Variants in ELMOD1 observed in about 807,000 individuals in gnomAD.
The protein encoded by ELMOD1 is ELMO domain containing 1, also known as ELMO domain-containing protein 1.
ELMOD1 carries 21 observed loss-of-function variants against 46.7 expected under a neutral mutation model. That is an observed-to-expected ratio of 0.45 (90% confidence interval 0.32 to 0.65). ELMOD1 has a LOEUF of 0.65. Ranked by LOEUF, ELMOD1 falls within the 30% of genes least tolerant of loss-of-function variation. ELMOD1 has a pLI of 0.04. For missense variants in ELMOD1, 348 were observed against 407.8 expected (o/e 0.85, Z 1.26); for synonymous variants, 122 against 138.2 (o/e 0.88, Z 0.82).
At chr11:107,631,355 T>A (rs1350969482) in intron 4 of ELMOD1, among the ~76,000 whole-genome samples, 2 of 150,920 alleles carry the variant, frequency 1.3e-5, no homozygotes, top group Non-Finnish European at 2.9e-5. Flanking sequence ...CCAAAAAAAT[T>A]GTATGTGTTT....
intron 2 of ELMOD1, chr11:107,620,476 C>T (rs562839635): frequency 6.6e-6 from 1 of 152,294 alleles, no homozygotes; most frequent in East Asian, 1.9e-4. Context: ...GATTAGTACA[C>T]CTGGCTAAAA....
chr11:107,650,660 G>A (rs1866510503), intron 8 of ELMOD1, among the ~76,000 whole-genome samples: 1 of 152,176 alleles, frequency 6.6e-6, no homozygotes, highest in African/African-American at 2.4e-5. Flanking sequence ...CAGGAAGACT[G>A]AGGAGGTGGG....
chr11:107,607,493 C>T (rs1865705189), intron 1 of ELMOD1, among the ~76,000 whole-genome samples: 1 of 151,864 alleles, frequency 6.6e-6, no homozygotes, highest in Non-Finnish European at 1.5e-5. Context: ...CCTGTTTCTA[C>T]AAAAAAATAC....
intron 5 of ELMOD1, among the ~76,000 whole-genome samples, chr11:107,634,100 CCA>C (rs1427061066): frequency 7.2e-5 from 11 of 152,112 alleles, no homozygotes; most frequent in African/African-American, 2.4e-4. Context: ...ATGACCACCA[CCA>C]CACCACCTCA....
intron 1 of ELMOD1, among the ~76,000 whole-genome samples, chr11:107,615,766 G>A (rs1250114448): frequency 6.6e-6 from 1 of 151,768 alleles, no homozygotes; most frequent in African/African-American, 2.4e-5. Flanking sequence ...TGTTTTTTAA[G>A]CTTTTCAGAG....
intron 2 of ELMOD1, among the ~76,000 whole-genome samples, chr11:107,629,157 TC>T (rs1413787056): frequency 3.9e-5 from 6 of 152,166 alleles, no homozygotes; most frequent in African/African-American, 1.4e-4. Flanking sequence ...ATCAGACTGT[TC>T]GAGTTTTTAT....
At chr11:107,648,690 G>A (rs1205205085) in intron 7 of ELMOD1, among the ~76,000 whole-genome samples, 1 of 151,736 alleles carries the variant, frequency 6.6e-6, no homozygotes, top group Admixed American at 6.6e-5. Context: ...AGGCAGGACA[G>A]ATATTCAATT....
rs191758321 is a variant in ELMOD1, at chr11:107,643,786, G to A, written c.421-3682G>A. 617 of 374,862 alleles carry A rather than the reference G, an allele frequency of 1.6e-3. 3 individuals carry two copies. The highest frequency in any genetic ancestry group is 9.9e-3 in the African/African-American group (469 of 47,238). The allele number at this position is 374,862 out of a possible 1,614,324, so 23.2% of individuals were successfully genotyped here. On this transcript the variant is annotated intron_variant, in intron 6 of 11. Transcript: ENST00000265840. ...TTGCGTATACTGCTGAACAGCTAGCGTACTGTCCATTTCATCAAAAGAATC... is the reference window on the plus strand; with the variant it reads ...TTGCGTATACTGCTGAACAGCTAGCATACTGTCCATTTCATCAAAAGAATC...
Position 107,647,455 on chromosome 11 carries a change from T to G in ELMOD1, c.421-13T>G, listed in dbSNP as rs1866450249. On this transcript the variant is annotated splice_polypyrimidine_tract_variant and intron_variant, in intron 6 of 11. Coordinates refer to ENST00000265840, the MANE Select transcript of ELMOD1 (RefSeq NM_018712.4). ...GTGTATCAACAGAGTAATCCTTTTT[T>G]TTTTTCCTACAGTTATGGAAATTCT... is the stretch of plus-strand genomic sequence containing the variant. The G allele has an allele frequency of 6.2e-7, 1 of 1,605,684 alleles. No individual in the cohort carries two copies. Among genetic ancestry groups the G allele is most frequent in the Non-Finnish European group, 8.5e-7 (1 of 1,177,696 alleles).
chr11:107,600,058 A>T (rs1244051113), intron 1 of ELMOD1, among the ~76,000 whole-genome samples: 3 of 151,910 alleles, frequency 2.0e-5, no homozygotes, highest in African/African-American at 4.8e-5. Context: ...CTTTTTTTTT[A>T]AATTTCATAT....
intron 1 of ELMOD1, among the ~76,000 whole-genome samples, chr11:107,594,210 G>T (rs1018368543): frequency 7.9e-5 from 12 of 151,952 alleles, no homozygotes; most frequent in African/African-American, 2.7e-4. Context: ...GGAGTGAGAC[G>T]CCTAGCAGTT....
intron 1 of ELMOD1, among the ~76,000 whole-genome samples, chr11:107,606,470 A>G (rs1346819240): frequency 4.6e-5 from 7 of 152,196 alleles, no homozygotes; most frequent in African/African-American, 1.7e-4. Flanking sequence ...AAAACCATCC[A>G]CAGACATGCA....
chr11:107,647,374 C>T (rs1866448575), intron 6 of ELMOD1, 94 bp from the exon 7 acceptor site: 2 of 1,191,406 alleles, frequency 1.7e-6, no homozygotes, highest in East Asian at 2.4e-5. Context: ...ATACATTCAG[C>T]TTTGCAAAGC....
chr11:107,664,741 G>A (rs535422064), intron 11 of ELMOD1, among the ~76,000 whole-genome samples: 2 of 136,722 alleles, frequency 1.5e-5, no homozygotes, highest in Admixed American at 6.9e-5. Flanking sequence ...TTCCCGATGC[G>A]ATTCATACTC....
intron 1 of ELMOD1, among the ~76,000 whole-genome samples, chr11:107,616,535 C>T (rs1343367023): frequency 6.6e-6 from 1 of 152,058 alleles, no homozygotes; most frequent in Non-Finnish European, 1.5e-5. Flanking sequence ...CGCACTACCA[C>T]ACCCAGCCAA....
intron 1 of ELMOD1, among the ~76,000 whole-genome samples, chr11:107,597,714 A>C (rs998560071): frequency 6.6e-6 from 1 of 152,176 alleles, no homozygotes; most frequent in Non-Finnish European, 1.5e-5. Context: ...GTATGATTTT[A>C]TTCTTTTCCA....
intron 3 of ELMOD1, 68 bp from the exon 4 acceptor site, chr11:107,630,632 G>A: frequency 2.5e-6 from 4 of 1,600,990 alleles, no homozygotes; most frequent in Middle Eastern, 3.3e-4. Flanking sequence ...TTGTCTTTCA[G>A]TGTAGTAATT....
At chr11:107,648,817 T>C (rs139320835) in intron 7 of ELMOD1, among the ~76,000 whole-genome samples, 1 of 152,166 alleles carries the variant, frequency 6.6e-6, no homozygotes, top group Non-Finnish European at 1.5e-5. Context: ...CCTGTGTTTT[T>C]ATATGTTTAT....
chr11:107,631,685 T>A lies in ELMOD1; in HGVS notation c.290+8T>A. 7.2e-7 allele frequency: 1 copy of A among 1,392,882 alleles called. No individual in the cohort carries two copies. The highest frequency in any genetic ancestry group is 9.9e-7 in the Non-Finnish European group (1 of 1,011,784). The allele number at this position is 1,392,882 out of a possible 1,614,324, so 86.3% of individuals were successfully genotyped here. ...TCCTGACGTAAATCCACAGTAAGAA[T>A]ATGTTTCTTATGTCAAAAATACAGA... On this transcript the variant is annotated splice_region_variant and intron_variant, in intron 5 of 11. Coordinates refer to ENST00000265840, the MANE Select transcript of ELMOD1 (RefSeq NM_018712.4).
Sources: allele counts gnomAD v4.1 joint callset (sites outside exome capture counted in the v4.1 genomes callset), GRCh38; gene constraint gnomAD v4.1.1; transcripts MANE v1.5; gene names NCBI Gene and HGNC (gene_info 2026-07-23, HGNC 2026-07-21).